The following CTNNA2 variants were observed in gnomAD, a reference collection of about 807,000 sequenced individuals.
CTNNA2 encodes catenin alpha-2.
Under a neutral mutation model 101.0 loss-of-function variants are expected in CTNNA2, and 42 were observed. The ratio of observed to expected loss-of-function variants is 0.42; its 90% CI spans 0.32 to 0.54. The LOEUF is 0.54. Among genes scored for constraint, CTNNA2 ranks in the 20% least tolerant of loss-of-function variants. The probability of loss-of-function intolerance (pLI) is 0.14; values close to 1 mark genes in which losing one functional copy is unlikely to be tolerated. For synonymous variants in CTNNA2, 450 were observed against 456.4 expected (o/e 0.99, Z 0.18); for missense variants, 871 against 1,223.1 (o/e 0.71, Z 4.29).
intron 7 of CTNNA2, among the ~76,000 whole-genome samples, chr2:80,035,389 T>C (rs982637267): frequency 1.3e-5 from 2 of 152,174 alleles, no homozygotes; most frequent in Admixed American, 6.5e-5. Flanking sequence ...GAGAAAAATA[T>C]TTACAAAGCA....
At chr2:79,937,635 A>G (rs955596268) in intron 7 of CTNNA2, among the ~76,000 whole-genome samples, 1 of 152,240 alleles carries the variant, frequency 6.6e-6, no homozygotes, top group African/African-American at 2.4e-5. Flanking sequence ...ATACAATGAC[A>G]TGAAAATGAA....
chr2:79,291,908 A>G (rs1675828553), intron 2 of CTNNA2, among the ~76,000 whole-genome samples: 1 of 152,152 alleles, frequency 6.6e-6, no homozygotes. Context: ...TGTATTGCAA[A>G]GACAAGAAAC....
chr2:79,599,837 A>G (rs1217099248), intron 1 of CTNNA2, among the ~76,000 whole-genome samples: 3 of 152,200 alleles, frequency 2.0e-5, no homozygotes, highest in African/African-American at 7.2e-5. Flanking sequence ...TTCTTGAAAC[A>G]GCATCCTATT....
intron 6 of CTNNA2, among the ~76,000 whole-genome samples, chr2:79,908,799 T>A (rs1187986659): frequency 6.6e-6 from 1 of 152,182 alleles, no homozygotes; most frequent in African/African-American, 2.4e-5. Flanking sequence ...ATTTACCAGA[T>A]CCCTATAAAG....
chr2:80,524,563 A>C (rs1314631181), intron 9 of CTNNA2, among the ~76,000 whole-genome samples: 2 of 152,138 alleles, frequency 1.3e-5, no homozygotes, highest in African/African-American at 4.8e-5. Flanking sequence ...CCCCTCTTGC[A>C]GACTAGTCAC....
chr2:79,549,084 G>A (rs1673922196), intron 1 of CTNNA2, among the ~76,000 whole-genome samples: 1 of 152,168 alleles, frequency 6.6e-6, no homozygotes, highest in South Asian at 2.1e-4. Flanking sequence ...ATTTCTGATT[G>A]TCCATCCAAA....
chr2:80,570,249 A>G (rs1694463764), intron 12 of CTNNA2, among the ~76,000 whole-genome samples: 1 of 151,862 alleles, frequency 6.6e-6, no homozygotes. Flanking sequence ...GGGTTTCACC[A>G]TGTTGCCCAG....
Position 79,853,605 on chromosome 2 carries a change from T to C in CTNNA2, c.299-4408T>C, listed in dbSNP as rs546649056. Among the ~76,000 whole-genome samples the C allele has an allele frequency of 4.6e-5, 7 of 152,258 alleles. No homozygotes were observed. In the East Asian group the frequency reaches 9.7e-4, roughly 21 times the overall value. On this transcript the variant is annotated intron_variant, in intron 3 of 18. Coordinates refer to ENST00000402739, the MANE Select transcript of CTNNA2 (RefSeq NM_001282597.3). ...GGTTCATGACCTGATTCCTACCTGATGTTTTTGTTCCTAAAACTCTGCCTT... is the reference window on the plus strand; with the variant it reads ...GGTTCATGACCTGATTCCTACCTGACGTTTTTGTTCCTAAAACTCTGCCTT...
intron 2 of CTNNA2, among the ~76,000 whole-genome samples, chr2:79,296,768 A>T (rs1424933044): frequency 6.6e-6 from 1 of 152,130 alleles, no homozygotes; most frequent in Admixed American, 6.6e-5. Flanking sequence ...CTTCTAAAAC[A>T]ACAGAACCAA....
At chr2:79,864,485 C>T (rs1364367389) in intron 4 of CTNNA2, among the ~76,000 whole-genome samples, 1 of 149,828 alleles carries the variant, frequency 6.7e-6, no homozygotes, top group African/African-American at 2.5e-5. Context: ...CTGAGTAGTA[C>T]TAATAATTTG....
At chr2:79,654,313 T>C (rs1480821024) in intron 2 of CTNNA2, among the ~76,000 whole-genome samples, 1 of 152,174 alleles carries the variant, frequency 6.6e-6, no homozygotes, top group Non-Finnish European at 1.5e-5. Flanking sequence ...ACAAATGTAT[T>C]AGCTTAATAT....
chr2:80,164,673 C>G (rs1001289352), intron 7 of CTNNA2, among the ~76,000 whole-genome samples: 3 of 149,548 alleles, frequency 2.0e-5, no homozygotes, highest in Non-Finnish European at 4.5e-5. Flanking sequence ...CCTTTCTTAC[C>G]TTTCCTTTCC....
intron 7 of CTNNA2, among the ~76,000 whole-genome samples, chr2:79,978,393 C>T (rs900180872): frequency 1.1e-4 from 16 of 152,074 alleles, no homozygotes; most frequent in African/African-American, 2.9e-4. Flanking sequence ...TCATCTCTGG[C>T]AGTTAGAAGT....
At chr2:79,962,940 G>T in intron 7 of CTNNA2, among the ~76,000 whole-genome samples, 1 of 151,262 alleles carries the variant, frequency 6.6e-6, no homozygotes, top group East Asian at 1.9e-4. Flanking sequence ...GCGTAGTGGC[G>T]GGCGCCTGTA....
At chr2:79,186,673 A>G (rs925210171) in intron 1 of CTNNA2, among the ~76,000 whole-genome samples, 7 of 152,112 alleles carry the variant, frequency 4.6e-5, no homozygotes, top group Non-Finnish European at 8.8e-5. Context: ...CCCTGCTTCA[A>G]TCCCTTTTCA....
In CTNNA2 at chr2:80,073,576, A is replaced by AT. The variant is rs559981243; in HGVS notation, c.1056+163782dup. Among the ~76,000 whole-genome samples the AT allele has an allele frequency of 2.7e-3, 408 of 152,224 alleles. 2 individuals carry two copies. The highest frequency in any genetic ancestry group is 0.023 in the South Asian group (109 of 4,822). ...CTGAAAATCTGCTTATTTGGGCAAT[A>AT]TTTAAGATAATTAGATGTGTAAAAA... On this transcript the variant is annotated intron_variant, in intron 7 of 18. Coordinates refer to ENST00000402739, the MANE Select transcript of CTNNA2 (RefSeq NM_001282597.3).
chr2:79,401,548 C>A (rs1179928838), intron 4 of CTNNA2, among the ~76,000 whole-genome samples: 3 of 151,292 alleles, frequency 2.0e-5, no homozygotes, highest in African/African-American at 7.3e-5. Flanking sequence ...AACCACATTG[C>A]TTTAAATTAG....
chr2:80,327,626 T>C (rs1670929052), intron 7 of CTNNA2, among the ~76,000 whole-genome samples: 3 of 152,228 alleles, frequency 2.0e-5, no homozygotes, highest in Admixed American at 6.5e-5. Flanking sequence ...AATACAATCC[T>C]TGGAAACAAC....
intron 7 of CTNNA2, among the ~76,000 whole-genome samples, chr2:80,036,414 A>G: frequency 6.6e-6 from 1 of 152,070 alleles, no homozygotes; most frequent in African/African-American, 2.4e-5. Context: ...GCAACATAGC[A>G]ATACCCCATC....
Sources: gnomAD v4.1 joint callset for allele counts (sites outside exome capture counted in the v4.1 genomes callset) on GRCh38, gnomAD v4.1.1 for gene constraint, MANE v1.5 for transcripts, NCBI Gene and HGNC (gene_info 2026-07-23, HGNC 2026-07-21) for gene names.